Variants in GPC6 observed in about 807,000 individuals in gnomAD.
GPC6 encodes the protein glypican 6, also known as glypican-6.
In GPC6, 14 loss-of-function variants were observed where a neutral mutation model predicts 55.2. That is an observed-to-expected ratio of 0.25 (90% confidence interval 0.17 to 0.40). The LOEUF is 0.40. GPC6 is among the 10% of genes least tolerant of loss of function. The pLI, the probability that GPC6 is intolerant of heterozygous loss-of-function variation, is 1.00. For synonymous variants in GPC6, 278 were observed against 259.6 expected (o/e 1.07, Z -0.68); for missense variants, 641 against 708.5 (o/e 0.90, Z 1.08).
intron 2 of GPC6, among the ~76,000 whole-genome samples, chr13:93,566,329 T>C (rs2139466405): frequency 6.6e-6 from 1 of 152,328 alleles, no homozygotes; most frequent in Admixed American, 6.5e-5. Flanking sequence ...TGAATATTGT[T>C]AGTGTTTTTA....
At chr13:94,000,530 G>A (rs553087632) in intron 3 of GPC6, among the ~76,000 whole-genome samples, 3 of 152,158 alleles carry the variant, frequency 2.0e-5, no homozygotes, top group Admixed American at 1.3e-4. Flanking sequence ...TCTCTATATA[G>A]CAATGAAGTG....
intron 7 of GPC6, among the ~76,000 whole-genome samples, chr13:94,385,664 CTAA>C (rs1880370502): frequency 6.6e-6 from 1 of 151,744 alleles, no homozygotes. Flanking sequence ...GCAGGGAATC[CTAA>C]TATTATATTT....
intron 3 of GPC6, among the ~76,000 whole-genome samples, chr13:93,926,943 C>G (rs1877891314): frequency 6.6e-6 from 1 of 152,086 alleles, no homozygotes. Context: ...GCATACAGTT[C>G]AGAGATTTCA....
At chr13:94,015,110 A>G (rs904447521) in intron 3 of GPC6, among the ~76,000 whole-genome samples, 3 of 152,198 alleles carry the variant, frequency 2.0e-5, no homozygotes, top group African/African-American at 7.2e-5. Context: ...AGGAACTGCC[A>G]AACTGTTTTT....
intron 2 of GPC6, among the ~76,000 whole-genome samples, chr13:93,591,796 G>C (rs1027974194): frequency 6.6e-6 from 1 of 152,132 alleles, no homozygotes; most frequent in Non-Finnish European, 1.5e-5. Context: ...CTTCCCATCA[G>C]TTTGGAAGTT....
intron 2 of GPC6, among the ~76,000 whole-genome samples, chr13:93,620,304 G>A (rs1489777632): frequency 6.6e-6 from 1 of 152,158 alleles, no homozygotes; most frequent in Non-Finnish European, 1.5e-5. Context: ...CATATGGCTA[G>A]CTCATAATTA....
intron 3 of GPC6, among the ~76,000 whole-genome samples, chr13:93,840,494 T>C (rs2138996621): frequency 6.6e-6 from 1 of 152,296 alleles, no homozygotes; most frequent in Admixed American, 6.5e-5. Flanking sequence ...ATTTGAAATG[T>C]ACTATTCTAG....
intron 3 of GPC6, among the ~76,000 whole-genome samples, chr13:93,919,754 T>C (rs561208167): frequency 6.6e-6 from 1 of 152,364 alleles, no homozygotes; most frequent in South Asian, 2.1e-4. Context: ...CTGCACTTGT[T>C]CCTGTTTCAT....
At chr13:94,176,216 T>C (rs1003279316) in intron 4 of GPC6, among the ~76,000 whole-genome samples, 21 of 152,122 alleles carry the variant, frequency 1.4e-4, no homozygotes, top group African/African-American at 4.8e-4. Flanking sequence ...AAATCAGCAC[T>C]GAGTGGGTTG....
In GPC6 at chr13:93,862,949, A is replaced by T. The variant is rs140970068; in HGVS notation, c.711+32404A>T. Among the ~76,000 whole-genome samples the T allele has an allele frequency of 2.0e-3, 309 of 151,750 alleles. 2 individuals are homozygous for T. The highest frequency in any genetic ancestry group is 7.3e-3 in the African/African-American group (301 of 41,476). Reference sequence around the variant, plus strand: ...CTTTTTCAACTCTGTATTCTCACTCATAACACTGTATCTGGCCCAAAGAAT... The same window carrying T: ...CTTTTTCAACTCTGTATTCTCACTCTTAACACTGTATCTGGCCCAAAGAAT... On this transcript the variant is annotated intron_variant, in intron 3 of 8. Coordinates refer to ENST00000377047, the MANE Select transcript of GPC6 (RefSeq NM_005708.5).
chr13:93,876,136 T>C (rs1889286372), intron 3 of GPC6, among the ~76,000 whole-genome samples: 1 of 151,998 alleles, frequency 6.6e-6, no homozygotes, highest in South Asian at 2.1e-4. Context: ...GGTATGATAT[T>C]TGTAAGTTTC....
intron 1 of GPC6, among the ~76,000 whole-genome samples, chr13:93,288,568 T>G (rs992753590): frequency 6.6e-6 from 1 of 152,204 alleles, no homozygotes. Context: ...TTTAGATGTA[T>G]GTAAGATGAA....
At chr13:94,221,137 C>T (rs376178855) in intron 4 of GPC6, among the ~76,000 whole-genome samples, 3 of 152,022 alleles carry the variant, frequency 2.0e-5, no homozygotes, top group South Asian at 2.1e-4. Flanking sequence ...TTTCTATAGG[C>T]GTTTCTCTGT....
chr13:94,223,119 A>G (rs1354397870), intron 4 of GPC6, among the ~76,000 whole-genome samples: 1 of 152,112 alleles, frequency 6.6e-6, no homozygotes, highest in Non-Finnish European at 1.5e-5. Context: ...AAGCTACATA[A>G]AGTGTTTTTT....
chr13:93,924,640 T>C (rs1877754419), intron 3 of GPC6, among the ~76,000 whole-genome samples: 1 of 151,968 alleles, frequency 6.6e-6, no homozygotes, highest in African/African-American at 2.4e-5. Context: ...CTTCTTTGAC[T>C]TCGGTTAATT....
intron 3 of GPC6, among the ~76,000 whole-genome samples, chr13:93,844,118 T>C (rs1311844787): frequency 3.3e-5 from 5 of 152,156 alleles, no homozygotes; most frequent in Non-Finnish European, 5.9e-5. Flanking sequence ...TTAAGCTTTA[T>C]ATTGGCCATC....
chr13:93,340,188 C>T (rs1880203055), intron 1 of GPC6, among the ~76,000 whole-genome samples: 1 of 151,906 alleles, frequency 6.6e-6, no homozygotes, highest in Non-Finnish European at 1.5e-5. Context: ...GCGCCCGCCA[C>T]CATGCCCGGC....
intron 2 of GPC6, among the ~76,000 whole-genome samples, chr13:93,556,265 T>A (rs192850962): frequency 2.8e-4 from 43 of 152,056 alleles, no homozygotes; most frequent in African/African-American, 9.6e-4. Context: ...TTTTTCACAA[T>A]TGGTAAAATA....
At chr13:93,333,128 G>T (rs1159159446) in intron 1 of GPC6, among the ~76,000 whole-genome samples, 2 of 152,088 alleles carry the variant, frequency 1.3e-5, no homozygotes, top group African/African-American at 4.8e-5. Context: ...TCGAATTCAG[G>T]TAGTGTGATG....
Sources: allele counts gnomAD v4.1 joint callset (sites outside exome capture counted in the v4.1 genomes callset), GRCh38; gene constraint gnomAD v4.1.1; transcripts MANE v1.5; gene names NCBI Gene and HGNC (gene_info 2026-07-23, HGNC 2026-07-21).